PIP5KL1: variants seen among roughly 807,000 people sequenced by gnomAD.
PIP5KL1 encodes phosphatidylinositol-4-phosphate 5-kinase like 1.
A neutral mutation model predicts 47.6 loss-of-function variants in PIP5KL1; 45 were observed. That is an observed-to-expected ratio of 0.94 (90% CI 0.74 to 1.21). The LOEUF (loss-of-function observed/expected upper bound fraction) is 1.21, where lower values mean the gene tolerates loss of function less well. Among genes scored for constraint, PIP5KL1 ranks in the 50% most tolerant of loss-of-function variants. PIP5KL1 has a pLI of 0.00. For synonymous variants in PIP5KL1, 256 were observed against 234.6 expected (o/e 1.09, Z -0.84); for missense variants, 577 against 547.6 (o/e 1.05, Z -0.54).
rs563348408 is a variant in PIP5KL1 at position 127,921,683 on chromosome 9, G to A, written c.*164C>T. ...GAGTCCTTGGCACGATGCTGGGCACGGCACCACCGTCAAACGGGACTGCGC... is the reference window on the plus strand; with the variant it reads ...GAGTCCTTGGCACGATGCTGGGCACAGCACCACCGTCAAACGGGACTGCGC... On this transcript the variant is annotated 3_prime_UTR_variant, in exon 10 of 10. Transcript: ENST00000388747. 102 of 965,672 alleles carry A rather than the reference G, an allele frequency of 1.1e-4. 1 individual carries two copies. The highest frequency in any genetic ancestry group is 8.5e-4 in the South Asian group (49 of 57,484). 59.8% of individuals were successfully genotyped at this position (965,672 alleles called of 1,614,324 possible).
At position 127,929,442 on chromosome 9, in the gene PIP5KL1, C is replaced by T. The variant is rs753939656; in HGVS notation, c.228+246G>A. On this transcript the variant is annotated intron_variant, in intron 2 of 9. Coordinates refer to ENST00000388747, the MANE Select transcript of PIP5KL1 (RefSeq NM_001135219.2). The surrounding 1 kb of genome is among the most constrained non-coding windows in gnomAD (Gnocchi z 4.0). Reference sequence around the variant, plus strand: ...TCCCCCCATTATACAGATGGGGACACTGAGGCCCAGAGAGAGGCAGAGACC... The same window carrying T: ...TCCCCCCATTATACAGATGGGGACATTGAGGCCCAGAGAGAGGCAGAGACC... Among the ~76,000 whole-genome samples, 5 of 152,086 alleles carry T rather than the reference C, an allele frequency of 3.3e-5. No individual in the cohort carries two copies. Among genetic ancestry groups the T allele is most frequent in the Non-Finnish European group, 7.4e-5 (5 of 68,008 alleles).
Position 127,925,357 on chromosome 9 carries a change from C to T in PIP5KL1, c.764-97G>A, listed in dbSNP as rs1831347424. ...CGTGACAGCATGTGGCATTACTGTC[C>T]CCATCTCACAAATAAAGAAACTCAT... On this transcript the variant is annotated intron_variant, in intron 8 of 9. Coordinates refer to ENST00000388747, the MANE Select transcript of PIP5KL1 (RefSeq NM_001135219.2). The T allele has an allele frequency of 4.4e-6, 6 of 1,378,608 alleles. No individual in the cohort carries two copies. The South Asian group carries it at 5.6e-5, about 13-fold the overall frequency. 85.4% of individuals were successfully genotyped at this position (1,378,608 alleles called of 1,614,324 possible).
chr9:127,924,107 G>A (rs1465693610), intron 9 of PIP5KL1, among the ~76,000 whole-genome samples: 1 of 152,184 alleles, frequency 6.6e-6, no homozygotes, highest in Non-Finnish European at 1.5e-5. Context: ...GGTGGCTCAC[G>A]CCTGTAATCC....
At chr9:127,925,566 A>G (rs991722040) in intron 8 of PIP5KL1, 1 of 473,844 alleles carries the variant, frequency 2.1e-6, no homozygotes. Flanking sequence ...CCTGGGTTCA[A>G]GCGATTCTCC....
intron 8 of PIP5KL1, 168 bp downstream of exon 8, chr9:127,925,699 C>T (rs1292584100): frequency 1.3e-5 from 8 of 628,454 alleles, no homozygotes; most frequent in East Asian, 1.1e-4. Context: ...CTCCTGACCT[C>T]GTAATCCACC....
Position 127,930,730 on chromosome 9 carries a change from G to T in PIP5KL1, c.23C>A (p.Pro8His). 1 of 1,569,130 alleles carries T rather than the reference G, an allele frequency of 6.4e-7. No individual in the cohort carries two copies. Among genetic ancestry groups the T allele is most frequent in the Non-Finnish European group, 8.6e-7 (1 of 1,161,498 alleles). MAAPSPG[P>H]REVLAPSPEA... is the part of the protein sequence containing the mutation. ...TCTCGGGTCCGCACCTACCTCGCGG[G>T]GCCCCGGGCTCGGCGCAGCCATCGC... Residue 8 changes from proline to histidine, a missense_variant, in exon 1 of 10, where the codon CCC becomes CAC. Transcript: ENST00000388747.
rs531181161 is a variant in PIP5KL1, at chr9:127,930,743, G to A, written c.10C>T (p.Pro4Ser). Residue 4 changes from proline to serine, a missense_variant, in exon 1 of 10, where the codon CCG (proline) becomes TCG (serine). Physicochemically the swap from Pro to Ser is moderately conservative, Grantham distance 74 (BLOSUM62 -1). Coordinates refer to ENST00000388747, the MANE Select transcript of PIP5KL1 (RefSeq NM_001135219.2). ...CCTACCTCGCGGGGCCCCGGGCTCG[G>A]CGCAGCCATCGCCCCCGCAGCAGCT... MAAPSPGPREVLAP... is the reference protein window; with the variant it reads MAASSPGPREVLAP... The A allele has an allele frequency of 2.9e-5, 45 of 1,560,628 alleles. No homozygotes were observed. In the Admixed American group the frequency reaches 3.6e-4, roughly 13 times the overall value.
In PIP5KL1 at chr9:127,925,885, C is replaced by T. The variant is rs768419193; in HGVS notation, c.745G>A (p.Gly249Ser). 20 of 1,614,068 alleles carry T rather than the reference C, an allele frequency of 1.2e-5. No homozygotes were observed. The South Asian group carries it at 2.0e-4, about 16-fold the overall frequency. The change falls in exon 8 of 10, where the codon GGC (glycine) becomes AGC (serine). Residue 249 changes from glycine (G) to serine (S), a missense_variant. By Grantham distance (56) the Gly-to-Ser change is moderately conservative. Coordinates refer to ENST00000388747, the MANE Select transcript of PIP5KL1 (RefSeq NM_001135219.2). ...VLVLKDLNFQ[G>S]KTINLGPQRS... is the part of the protein sequence containing the mutation. Reference sequence around the variant, plus strand: ...GGCTCACCCAGGTTGATGGTCTTGCCCTGAAAGTTGAGGTCCTTCAGCACC... The same window carrying T: ...GGCTCACCCAGGTTGATGGTCTTGCTCTGAAAGTTGAGGTCCTTCAGCACC...
Position 127,929,874 on chromosome 9 carries a change from G to C in PIP5KL1, c.42C>G (p.Pro14=). 6.5e-7 allele frequency: 1 copy of C among 1,535,098 alleles called. No individual in the cohort carries two copies. Among genetic ancestry groups the C allele is most frequent in the Non-Finnish European group, 8.8e-7 (1 of 1,141,198 alleles). The part of the protein sequence containing the change: ...PSPGPREVLA[P]SPEAGCRAVT... ...CTGCTCTGCATCCAGCCTCAGGGGA[G>C]GGGGCCAGGACCTGGTGGGAGGAGG... The change falls in exon 2 of 10, where the codon CCC becomes CCG. Residue 14 remains proline, a synonymous_variant. Transcript: ENST00000388747. This position sits in a 1 kb window ranked among gnomAD's most constrained non-coding sequence, Gnocchi z 4.0.
intron 9 of PIP5KL1, among the ~76,000 whole-genome samples, chr9:127,924,629 C>T (rs1384212490): frequency 6.8e-6 from 1 of 147,224 alleles, no homozygotes; most frequent in Non-Finnish European, 1.5e-5. Flanking sequence ...GCATTCCAGC[C>T]TGGGTGACAG....
Position 127,921,781 on chromosome 9 carries a change from CCG to C in PIP5KL1, c.*64_*65del. 1 of 1,493,700 alleles carries C rather than the reference CCG, an allele frequency of 6.7e-7. No homozygotes were observed. The highest frequency in any genetic ancestry group is 8.9e-7 in the Non-Finnish European group (1 of 1,122,296). 92.5% of individuals were successfully genotyped at this position (1,493,700 alleles called of 1,614,324 possible). On this transcript the variant is annotated 3_prime_UTR_variant, in exon 10 of 10. Coordinates refer to ENST00000388747, the MANE Select transcript of PIP5KL1 (RefSeq NM_001135219.2). ...GGAAGCGCAGGCGAGATGCCCGGGCCCGGGGGAACCGGCGTTCCTGGCGTGAG... is the reference window on the plus strand; with the variant it reads ...GGAAGCGCAGGCGAGATGCCCGGGCCGGGGAACCGGCGTTCCTGGCGTGAG...
intron 2 of PIP5KL1, 189 bp from the exon 3 acceptor site, chr9:127,928,672 G>A (rs1831397909): frequency 1.1e-5 from 7 of 632,612 alleles, no homozygotes; most frequent in African/African-American, 1.8e-5. Flanking sequence ...GGGATGCCAG[G>A]GGGACAAGAG....
chr9:127,924,216 A>G (rs566335594), intron 9 of PIP5KL1, among the ~76,000 whole-genome samples: 4 of 151,942 alleles, frequency 2.6e-5, no homozygotes, highest in African/African-American at 9.7e-5. Context: ...AAAATACGAA[A>G]ATTGGCCGGA....
intron 3 of PIP5KL1, 64 bp from the exon 4 acceptor site, chr9:127,928,283 T>G: frequency 1.3e-6 from 2 of 1,535,136 alleles, no homozygotes. Flanking sequence ...CAGTTGGTCC[T>G]GGGACAGGAG....
chr9:127,922,714 A>G (rs1831305211), intron 9 of PIP5KL1, among the ~76,000 whole-genome samples: 1 of 147,978 alleles, frequency 6.8e-6, no homozygotes, highest in African/African-American at 2.5e-5. Context: ...AAAAAAAAGA[A>G]AAAAGAAAAA....
Position 127,929,347 on chromosome 9 carries a change from G to C in PIP5KL1, c.228+341C>G, listed in dbSNP as rs1427929210. ...GGATGGGCTAGGCCAGCAGGGTGGG[G>C]GTGGGGGTCCCTTTTCAACCATATA... On this transcript the variant is annotated intron_variant, in intron 2 of 9. Transcript: ENST00000388747. This position sits in a 1 kb window ranked among gnomAD's most constrained non-coding sequence, Gnocchi z 4.0. Among the ~76,000 whole-genome samples the C allele has an allele frequency of 6.6e-6, 1 of 152,066 alleles. No individual in the cohort carries two copies. Among genetic ancestry groups the C allele is most frequent in the African/African-American group, 2.4e-5 (1 of 41,390 alleles).
chr9:127,923,737 C>T (rs551212053), intron 9 of PIP5KL1, among the ~76,000 whole-genome samples: 8 of 152,380 alleles, frequency 5.3e-5, no homozygotes, highest in Non-Finnish European at 1.0e-4. Flanking sequence ...TTTCACTCCC[C>T]TTGTCCACCC....
rs759333948 is a variant in PIP5KL1, at chr9:127,928,433, C to T, written c.279G>A (p.Glu93=). ...CCACACGGGAGTCTGGGCCTCCTAC[C>T]TCGTGAACCTGGGTTAGGACCTCCG... is the stretch of plus-strand genomic sequence containing the variant. ...DFSEVLTQVH[E]GFELGTLAGP... Residue 93 remains glutamate, a splice_region_variant and synonymous_variant, in exon 3 of 10, where the codon GAG becomes GAA. Coordinates refer to ENST00000388747, the MANE Select transcript of PIP5KL1 (RefSeq NM_001135219.2). 1 of 1,599,658 alleles carries T rather than the reference C, an allele frequency of 6.3e-7. No homozygotes were observed. Among genetic ancestry groups the T allele is most frequent in the Non-Finnish European group, 8.5e-7 (1 of 1,174,450 alleles).
chr9:127,928,136 A>G lies in PIP5KL1; in HGVS notation c.363T>C (p.Ala121=). ...SLGLAEEDYQ[A]ALGPGGPYLQ... ...GGTAGGGGCCGCCGGGGCCCAGGGC[A>G]GCCTGATAGTCCTCCTCCGCCAGGC... The change falls in exon 4 of 10, where the codon GCT becomes GCC. Residue 121 remains alanine (A), a synonymous_variant. Transcript: ENST00000388747. 1 of 1,546,366 alleles carries G rather than the reference A, an allele frequency of 6.5e-7. No individual in the cohort carries two copies. The highest frequency in any genetic ancestry group is 8.7e-7 in the Non-Finnish European group (1 of 1,146,884).
Sources: allele counts gnomAD v4.1 joint callset (sites outside exome capture counted in the v4.1 genomes callset), GRCh38; gene constraint gnomAD v4.1.1; non-coding constraint Gnocchi (gnomAD v3.1); transcripts MANE v1.5; gene names NCBI Gene and HGNC (gene_info 2026-07-23, HGNC 2026-07-21).